Variants in HTR2A observed in about 807,000 individuals in gnomAD.
HTR2A encodes 5-HT2 receptor.
A neutral mutation model predicts 31.0 loss-of-function variants in HTR2A; 14 were observed. The observed-to-expected ratio is 0.45, with a 90% confidence interval of 0.30 to 0.71. The LOEUF is 0.71. Ranked by LOEUF, HTR2A falls within the 30% of genes least tolerant of loss-of-function variation. The pLI is 0.09. For missense variants in HTR2A, 442 were observed against 573.3 expected, an observed-to-expected ratio of 0.77 and a Z score of 2.34; for synonymous variants, 209 against 225.2, an observed-to-expected ratio of 0.93 and a Z score of 0.64.
At chr13:46,863,715 A>G (rs1950799964) in intron 3 of HTR2A, among the ~76,000 whole-genome samples, 2 of 151,990 alleles carry the variant, frequency 1.3e-5, no homozygotes, top group Non-Finnish European at 2.9e-5. Context: ...AATCAAAACC[A>G]CAATGAGATA....
chr13:46,879,468 AAAAGC>A (rs1206957522), intron 3 of HTR2A, among the ~76,000 whole-genome samples: 2 of 152,202 alleles, frequency 1.3e-5, no homozygotes, highest in African/African-American at 4.8e-5. Flanking sequence ...ACAAAATAGA[AAAAGC>A]AAGGGTAAAA....
chr13:46,884,023 AC>A (rs1326003177), intron 3 of HTR2A, among the ~76,000 whole-genome samples: 2 of 152,240 alleles, frequency 1.3e-5, no homozygotes, highest in Non-Finnish European at 2.9e-5. Flanking sequence ...TGATGTGGTT[AC>A]CGAGGTGAAA....
intron 3 of HTR2A, among the ~76,000 whole-genome samples, chr13:46,884,119 C>T (rs1939418082): frequency 6.6e-6 from 1 of 152,222 alleles, no homozygotes; most frequent in Non-Finnish European, 1.5e-5. Context: ...ATAACAGCTG[C>T]ATTATGGATC....
At position 46,833,745 on chromosome 13, in the gene HTR2A, A is replaced by C. The variant is rs981646447; in HGVS notation, c.*1092T>G. Reference sequence around the variant, plus strand: ...TATCTAGAAATTTGCTTCACACATAAATGTACACTCAATAGATGATTGTGG... The same window carrying C: ...TATCTAGAAATTTGCTTCACACATACATGTACACTCAATAGATGATTGTGG... On this transcript the variant is annotated 3_prime_UTR_variant, in exon 4 of 4. Coordinates refer to ENST00000542664, the MANE Select transcript of HTR2A (RefSeq NM_000621.5). The C allele has an allele frequency of 5.9e-5, 9 of 152,292 alleles. No individual in the cohort carries two copies. Among genetic ancestry groups the C allele is most frequent in the African/African-American group, 2.2e-4 (9 of 41,558 alleles). The allele number at this position is 152,292 out of a possible 1,614,324, so 9.4% of individuals were successfully genotyped here.
intron 3 of HTR2A, among the ~76,000 whole-genome samples, chr13:46,873,667 A>G (rs1439712455): frequency 6.6e-6 from 1 of 151,940 alleles, no homozygotes; most frequent in Non-Finnish European, 1.5e-5. Context: ...TCATTGTTCA[A>G]TTCCCACCTA....
At chr13:46,876,615 A>G (rs1484527673) in intron 3 of HTR2A, among the ~76,000 whole-genome samples, 1 of 150,942 alleles carries the variant, frequency 6.6e-6, no homozygotes, top group African/African-American at 2.4e-5. Context: ...ACTGGGTTTC[A>G]CTGTGTTAGC....
intron 3 of HTR2A, among the ~76,000 whole-genome samples, chr13:46,887,153 C>T (rs1188684243): frequency 6.6e-6 from 1 of 152,184 alleles, no homozygotes; most frequent in Non-Finnish European, 1.5e-5. Flanking sequence ...GGCGCAGTGG[C>T]TCATGCCTGT....
intron 3 of HTR2A, among the ~76,000 whole-genome samples, chr13:46,867,287 T>C (rs1950824946): frequency 6.6e-6 from 1 of 152,220 alleles, no homozygotes; most frequent in South Asian, 2.1e-4. Context: ...AAATGCCTAC[T>C]ATGTGCTAGG....
intron 3 of HTR2A, among the ~76,000 whole-genome samples, chr13:46,853,476 A>T (rs1457980542): frequency 6.6e-6 from 1 of 152,188 alleles, no homozygotes. Flanking sequence ...TGGCAGCCTT[A>T]AATACTGATA....
At chr13:46,865,658 T>C (rs2770294) in intron 3 of HTR2A, among the ~76,000 whole-genome samples, 127,079 of 152,208 alleles carry the variant, frequency 0.83, 54,086 homozygotes, top group East Asian at 0.97. Context: ...ACTGAAAATG[T>C]GGCTGGTGTG....
intron 3 of HTR2A, among the ~76,000 whole-genome samples, chr13:46,839,959 G>A (rs1950585983): frequency 6.6e-6 from 1 of 152,160 alleles, no homozygotes; most frequent in South Asian, 2.1e-4. Flanking sequence ...TGGGAAATAA[G>A]AAGATTGCCT....
chr13:46,895,187 A>T lies in HTR2A; in HGVS notation c.412+308T>A. On this transcript the variant is annotated intron_variant, in intron 2 of 3. Coordinates refer to ENST00000542664, the MANE Select transcript of HTR2A (RefSeq NM_000621.5). The surrounding 1 kb of genome is among the most constrained non-coding windows in gnomAD (Gnocchi z 4.4). ...TATTGGTTTATGACTGTATGGGGTA[A>T]TTTATAAAAATTTCTACATTAAATG... The T allele has an allele frequency of 3.6e-6, 1 of 274,862 alleles. No individual in the cohort carries two copies. The highest frequency in any genetic ancestry group is 7.7e-5 in the East Asian group (1 of 12,924). The allele number at this position is 274,862 out of a possible 1,614,324, so 17.0% of individuals were successfully genotyped here.
At chr13:46,838,737 G>A (rs1179480969) in intron 3 of HTR2A, among the ~76,000 whole-genome samples, 1 of 152,024 alleles carries the variant, frequency 6.6e-6, no homozygotes, top group Non-Finnish European at 1.5e-5. Context: ...TATTAGTCAT[G>A]ATACACAGAA....
chr13:46,884,764 A>G (rs1950993173), intron 3 of HTR2A, among the ~76,000 whole-genome samples: 1 of 152,196 alleles, frequency 6.6e-6, no homozygotes, highest in Non-Finnish European at 1.5e-5. Flanking sequence ...AATCATCTTG[A>G]TAAGTGTGAA....
intron 3 of HTR2A, among the ~76,000 whole-genome samples, chr13:46,842,769 A>T (rs540910896): frequency 2.6e-4 from 40 of 152,208 alleles, no homozygotes; most frequent in African/African-American, 9.4e-4. Flanking sequence ...ACCCATAGCA[A>T]GATTTTTCAA....
At position 46,896,789 on chromosome 13, in the gene HTR2A, A is replaced by G. The variant is rs143737832; in HGVS notation, c.-444T>C. The G allele has an allele frequency of 7.6e-4, 1,165 of 1,536,968 alleles. 8 individuals are homozygous for G. In the African/African-American group the frequency reaches 0.015, roughly 19 times the overall value. Reference sequence around the variant, plus strand: ...CTTCTTGATCTTCCACCAGCATAATATGATAGTAATTTGGTTTCTGTTTTG... The same window carrying G: ...CTTCTTGATCTTCCACCAGCATAATGTGATAGTAATTTGGTTTCTGTTTTG... On this transcript the variant is annotated 5_prime_UTR_variant, in exon 1 of 4. Transcript: ENST00000542664.
At chr13:46,883,706 TCA>T (rs1950984713) in intron 3 of HTR2A, among the ~76,000 whole-genome samples, 1 of 152,130 alleles carries the variant, frequency 6.6e-6, no homozygotes, top group Non-Finnish European at 1.5e-5. Context: ...TGCGGTGAAG[TCA>T]CAGTTACTGC....
At chr13:46,877,577 A>T (rs1351224561) in intron 3 of HTR2A, among the ~76,000 whole-genome samples, 1 of 152,220 alleles carries the variant, frequency 6.6e-6, no homozygotes, top group Non-Finnish European at 1.5e-5. Flanking sequence ...TAATTTTTAT[A>T]TGCAGGTGTA....
chr13:46,865,312 T>A (rs1393574321), intron 3 of HTR2A, among the ~76,000 whole-genome samples: 1 of 152,090 alleles, frequency 6.6e-6, no homozygotes, highest in Admixed American at 6.5e-5. Context: ...AGACTGCAAG[T>A]GATAGGGAGG....
Sources: gnomAD v4.1 joint callset for allele counts (sites outside exome capture counted in the v4.1 genomes callset) on GRCh38, gnomAD v4.1.1 for gene constraint, Gnocchi (gnomAD v3.1) non-coding constraint, MANE v1.5 for transcripts, NCBI Gene and HGNC (gene_info 2026-07-23, HGNC 2026-07-21) for gene names.